ENTPD1: variants seen among roughly 807,000 people sequenced by gnomAD.
ENTPD1 encodes the protein ATP diphosphohydrolase.
A neutral mutation model predicts 57.0 loss-of-function variants in ENTPD1; 33 were observed. That is an observed-to-expected ratio of 0.58 (90% confidence interval 0.44 to 0.77). The LOEUF (loss-of-function observed/expected upper bound fraction) is 0.77. Ranked by LOEUF, ENTPD1 falls within the 30% of genes least tolerant of loss-of-function variation. The pLI is 0.00. For synonymous variants in ENTPD1, 202 were observed against 218.8 expected (o/e 0.92, Z 0.68); for missense variants, 501 against 603.4 (o/e 0.83, Z 1.78).
Position 95,872,187 on chromosome 10 carries a change from G to T in ENTPD1, c.*5804G>T. 1.0e-6 allele frequency: 1 copy of T among 985,434 alleles called. No homozygotes were observed. Among genetic ancestry groups the T allele is most frequent in the Non-Finnish European group, 1.2e-6 (1 of 829,946 alleles). 61.0% of individuals were successfully genotyped at this position (985,434 alleles called of 1,614,324 possible). A position where few individuals can be genotyped will look rare whatever the true frequency, so the allele number is the denominator to read the frequency against. ...GGAATGGTGGTGTTGCTTCCAATCT[G>T]TTGCTGCTAGATTAATCTTTGCAAA... is the stretch of plus-strand genomic sequence containing the variant. On this transcript the variant is annotated 3_prime_UTR_variant, in exon 10 of 10. Transcript: ENST00000371205.
At chr10:95,855,335 C>T (rs1488359296) in intron 7 of ENTPD1, among the ~76,000 whole-genome samples, 4 of 151,940 alleles carry the variant, frequency 2.6e-5, no homozygotes, top group Non-Finnish European at 5.9e-5. Context: ...TGTGTCTCTG[C>T]ACACGAGATG....
chr10:95,782,360 C>T (rs1187634955), intron 1 of ENTPD1, among the ~76,000 whole-genome samples: 5 of 151,848 alleles, frequency 3.3e-5, no homozygotes, highest in African/African-American at 1.2e-4. Flanking sequence ...TTTTTTGTAT[C>T]ACATCTGAAG....
chr10:95,838,283 G>A (rs2098415316), intron 2 of ENTPD1, among the ~76,000 whole-genome samples: 1 of 152,092 alleles, frequency 6.6e-6, no homozygotes, highest in African/African-American at 2.4e-5. Flanking sequence ...ATCAAAATGG[G>A]CATTGAGCAG....
At chr10:95,796,400 G>A (rs1296524159) in intron 1 of ENTPD1, among the ~76,000 whole-genome samples, 1 of 152,230 alleles carries the variant, frequency 6.6e-6, no homozygotes, top group East Asian at 1.9e-4. Context: ...CTAACAATTT[G>A]AGCCTCAATT....
At chr10:95,858,392 C>T (rs1453478311) in intron 7 of ENTPD1, among the ~76,000 whole-genome samples, 1 of 152,038 alleles carries the variant, frequency 6.6e-6, no homozygotes, top group African/African-American at 2.4e-5. Flanking sequence ...TTTCAGCGAC[C>T]TTGTAGGATT....
At chr10:95,733,990 T>A (rs1401394676) in intron 1 of ENTPD1, among the ~76,000 whole-genome samples, 2 of 152,170 alleles carry the variant, frequency 1.3e-5, no homozygotes, top group Non-Finnish European at 2.9e-5. Flanking sequence ...GACTCTTGCC[T>A]GTTCTGTGGT....
intron 2 of ENTPD1, among the ~76,000 whole-genome samples, chr10:95,824,169 C>G (rs1340074991): frequency 6.6e-6 from 1 of 152,146 alleles, no homozygotes; most frequent in Non-Finnish European, 1.5e-5. Context: ...CCATTTTAAA[C>G]TTTCACTGAA....
In ENTPD1 at chr10:95,876,312, TAAC is replaced by T. The variant is rs1296316502; in HGVS notation, c.*9932_*9934del. 1.0e-6 allele frequency: 1 copy of T among 984,972 alleles called. No individual in the cohort carries two copies. Among genetic ancestry groups the T allele is most frequent in the Non-Finnish European group, 1.2e-6 (1 of 829,610 alleles). The allele number at this position is 984,972 out of a possible 1,614,324, so 61.0% of individuals were successfully genotyped here. ...AATTATGAAATGACTTTTGGCCTAG[TAAC>T]AATGAAAATGGGGGCAAATACAGAT... is the stretch of plus-strand genomic sequence containing the variant. On this transcript the variant is annotated 3_prime_UTR_variant, in exon 10 of 10. Transcript: ENST00000371205.
At chr10:95,727,586 C>T (rs553582324) in intron 1 of ENTPD1, among the ~76,000 whole-genome samples, 2 of 152,182 alleles carry the variant, frequency 1.3e-5, no homozygotes, top group Non-Finnish European at 2.9e-5. Context: ...CCACCATTTG[C>T]TTGTGAGATC....
intron 5 of ENTPD1, 113 bp from the exon 6 acceptor site, chr10:95,845,244 C>T: frequency 6.8e-7 from 1 of 1,472,410 alleles, no homozygotes; most frequent in South Asian, 1.1e-5. Flanking sequence ...GTGAGCTTTG[C>T]CTCACCTTTA....
chr10:95,731,781 C>CTTTTTTTTTTTTTTTT lies in ENTPD1; in HGVS notation c.37+19794_37+19809dup, dbSNP rs34841311. On this transcript the variant is annotated intron_variant, in intron 1 of 9. Coordinates refer to the ENTPD1 transcript ENST00000453258. ...GGTAAGAATTAGAGGAGTGGACATC[C>CTTTTTTTTTTTTTTTT]TTTTTTTTTTTTTTTTTTTTTGACA... 4.8e-3 allele frequency among the ~76,000 whole-genome samples: 382 copies of CTTTTTTTTTTTTTTTT among 79,156 alleles called. 58 individuals are homozygous for CTTTTTTTTTTTTTTTT. Among genetic ancestry groups the CTTTTTTTTTTTTTTTT allele is most frequent in the African/African-American group, 0.01 (192 of 18,642 alleles). 51.9% of individuals were successfully genotyped at this position (79,156 alleles called of 152,430 possible). A position where few individuals can be genotyped will look rare whatever the true frequency, so the allele number is the denominator to read the frequency against.
At chr10:95,780,214 T>C (rs1256239233) in intron 1 of ENTPD1, among the ~76,000 whole-genome samples, 2 of 152,338 alleles carry the variant, frequency 1.3e-5, no homozygotes, top group East Asian at 1.9e-4. Flanking sequence ...TGTCCTCCCA[T>C]GTTCATTGTA....
chr10:95,797,089 A>G (rs940942603), intron 1 of ENTPD1, among the ~76,000 whole-genome samples: 1 of 152,148 alleles, frequency 6.6e-6, no homozygotes, highest in East Asian at 1.9e-4. Flanking sequence ...ACACAAAAAC[A>G]AAATAAGGAG....
At chr10:95,778,975 T>C (rs2098145211) in intron 1 of ENTPD1, among the ~76,000 whole-genome samples, 1 of 152,318 alleles carries the variant, frequency 6.6e-6, no homozygotes, top group Non-Finnish European at 1.5e-5. Flanking sequence ...AAAAAATTGT[T>C]GGTCATAGAC....
At position 95,823,352 on chromosome 10, in the gene ENTPD1, A is replaced by G; in HGVS notation, c.132A>G (p.Pro44=). The change falls in exon 2 of 10, where the codon CCA becomes CCG. Residue 44 remains proline (P), a synonymous_variant. Coordinates refer to ENST00000371205, the MANE Select transcript of ENTPD1 (RefSeq NM_001776.6). Reference sequence around the variant, plus strand: ...GGTTGACCCAGAACAAAGCATTGCCAGAAAACGTTAAGGTAAGTCAAATAT... The same window carrying G: ...GGTTGACCCAGAACAAAGCATTGCCGGAAAACGTTAAGGTAAGTCAAATAT... ...AVGLTQNKAL[P]ENVKYGIVLD... is the part of the protein sequence containing the mutation. The G allele has an allele frequency of 6.2e-7, 1 of 1,614,154 alleles. No homozygotes were observed. Among genetic ancestry groups the G allele is most frequent in the Non-Finnish European group, 8.5e-7 (1 of 1,179,990 alleles).
At chr10:95,731,321 T>C (rs1434281983) in intron 1 of ENTPD1, among the ~76,000 whole-genome samples, 1 of 152,012 alleles carries the variant, frequency 6.6e-6, no homozygotes, top group Admixed American at 6.6e-5. Flanking sequence ...CAGAGCAAGA[T>C]CTGGTATTTA....
At chr10:95,803,144 G>C (rs1249418520) in intron 1 of ENTPD1, among the ~76,000 whole-genome samples, 1 of 152,116 alleles carries the variant, frequency 6.6e-6, no homozygotes, top group Non-Finnish European at 1.5e-5. Context: ...AAATTGCTTT[G>C]GGCGGTATGG....
At chr10:95,859,632 G>A (rs559262901) in intron 7 of ENTPD1, among the ~76,000 whole-genome samples, 1 of 152,222 alleles carries the variant, frequency 6.6e-6, no homozygotes, top group Non-Finnish European at 1.5e-5. Flanking sequence ...ACTGGAGTTG[G>A]GGTTTGAATT....
upstream of ENTPD1, among the ~76,000 whole-genome samples, chr10:95,709,023 G>T (rs2097963619): frequency 6.6e-6 from 1 of 152,100 alleles, no homozygotes; most frequent in Non-Finnish European, 1.5e-5. Context: ...CATCAGCTGA[G>T]ACTTTTTAAA....
Sources: gnomAD v4.1 joint callset for allele counts (sites outside exome capture counted in the v4.1 genomes callset) on GRCh38, gnomAD v4.1.1 for gene constraint, MANE v1.5 for transcripts, NCBI Gene and HGNC (gene_info 2026-07-23, HGNC 2026-07-21) for gene names.